Variants in CFAP20DC observed in about 807,000 individuals in gnomAD.
The protein encoded by CFAP20DC is CFAP20 domain containing.
CFAP20DC carries 84 observed loss-of-function variants against 101.7 expected under a neutral mutation model. That is an observed-to-expected ratio of 0.83 (90% CI 0.69 to 0.99). The LOEUF (loss-of-function observed/expected upper bound fraction) is 0.99, where lower values mean the gene tolerates loss of function less well. Ranked by LOEUF, CFAP20DC falls within the 50% of genes least tolerant of loss-of-function variation. CFAP20DC has a pLI of 0.00. For synonymous variants in CFAP20DC, 359 were observed against 351.2 expected (o/e 1.02, Z -0.25); for missense variants, 1,007 against 970.3 (o/e 1.04, Z -0.50).
At chr3:59,016,295 G>A (rs573897452) in intron 4 of CFAP20DC, among the ~76,000 whole-genome samples, 2 of 152,078 alleles carry the variant, frequency 1.3e-5, no homozygotes, top group Non-Finnish European at 2.9e-5. Context: ...TGAACTAAGT[G>A]ACAACAGAAA....
At chr3:58,977,773 A>C (rs1255012231) in intron 4 of CFAP20DC, among the ~76,000 whole-genome samples, 2 of 151,326 alleles carry the variant, frequency 1.3e-5, no homozygotes, top group Admixed American at 1.3e-4. Flanking sequence ...AGGAAATTTG[A>C]AAACTGAAGG....
chr3:58,982,453 A>C (rs1009263620), intron 4 of CFAP20DC, among the ~76,000 whole-genome samples: 1 of 152,084 alleles, frequency 6.6e-6, no homozygotes, highest in African/African-American at 2.4e-5. Context: ...AAAGACTTGG[A>C]ACCAAATGTC....
chr3:58,909,978 T>G lies in CFAP20DC; in HGVS notation c.550+3730A>C, dbSNP rs575970215. On this transcript the variant is annotated intron_variant, in intron 6 of 16. Coordinates refer to ENST00000482387, the MANE Select transcript of CFAP20DC (RefSeq NM_001394063.1). ...CAGCTCCCACTTATGAGTGAGAACA[T>G]GCAGTGTTTGGTTTTCTATTCCTGT... is the stretch of plus-strand genomic sequence containing the variant. Among the ~76,000 whole-genome samples the G allele has an allele frequency of 3.9e-5, 6 of 152,290 alleles. No homozygotes were observed. In the East Asian group the frequency reaches 1.2e-3, roughly 29 times the overall value.
chr3:59,009,285 CA>C (rs2093521803), intron 4 of CFAP20DC, among the ~76,000 whole-genome samples: 1 of 151,826 alleles, frequency 6.6e-6, no homozygotes, highest in African/African-American at 2.4e-5. Flanking sequence ...TACAATACCC[CA>C]AAAAGATCAC....
chr3:59,036,421 A>C (rs575700261), intron 4 of CFAP20DC, among the ~76,000 whole-genome samples: 4 of 152,024 alleles, frequency 2.6e-5, no homozygotes, highest in Admixed American at 2.6e-4. Flanking sequence ...CCAAAAACTT[A>C]AGCTGATAAC....
intron 6 of CFAP20DC, among the ~76,000 whole-genome samples, chr3:58,908,615 G>A (rs1053317095): frequency 6.6e-6 from 1 of 152,124 alleles, no homozygotes; most frequent in Non-Finnish European, 1.5e-5. Flanking sequence ...AACTAAACAT[G>A]CTGTTACCAT....
chr3:58,953,180 C>A (rs1342381692), intron 4 of CFAP20DC, among the ~76,000 whole-genome samples: 2 of 152,048 alleles, frequency 1.3e-5, no homozygotes, highest in East Asian at 3.9e-4. Flanking sequence ...ATGCACACAT[C>A]TAGGGGAAAA....
In CFAP20DC at chr3:58,747,562, A is replaced by AT. The variant is rs757503146; in HGVS notation, c.2333-4991dup. The stretch of plus-strand genomic sequence containing the variant: ...TCGATTTTCTGACACTGCCGTCTAC[A>AT]TTTTTTTTAAAGTTAATGTATTTTC... On this transcript the variant is annotated intron_variant, in intron 16 of 16. Transcript: ENST00000482387. Among the ~76,000 whole-genome samples the AT allele has an allele frequency of 1.3e-3, 205 of 152,134 alleles. 1 individual carries two copies. Among genetic ancestry groups the AT allele is most frequent in the African/African-American group, 4.6e-3 (192 of 41,496 alleles).
chr3:58,949,540 T>C (rs1454059829), intron 4 of CFAP20DC, among the ~76,000 whole-genome samples: 1 of 152,186 alleles, frequency 6.6e-6, no homozygotes, highest in Non-Finnish European at 1.5e-5. Flanking sequence ...TTTCGTTATG[T>C]ATCCAGTAGT....
chr3:58,872,726 A>G (rs2080338819), intron 7 of CFAP20DC, among the ~76,000 whole-genome samples: 2 of 152,154 alleles, frequency 1.3e-5, no homozygotes, highest in African/African-American at 4.8e-5. Context: ...GGAAGCTTTT[A>G]GTCCAACACA....
intron 4 of CFAP20DC, among the ~76,000 whole-genome samples, chr3:58,997,375 C>G (rs1188576905): frequency 6.6e-6 from 1 of 152,136 alleles, no homozygotes; most frequent in East Asian, 1.9e-4. Flanking sequence ...CATGCTCTTA[C>G]CACTTCACTA....
rs77976539 is a variant in CFAP20DC at position 58,790,433 on chromosome 3, T to C, written c.2237+15962A>G. ...GCATTCCTGTTTTCTCGCCCAAAAG[T>C]TGCCATTTGGCCTGCCATGTCCCCT... is the stretch of plus-strand genomic sequence containing the variant. On this transcript the variant is annotated intron_variant, in intron 15 of 16. Transcript: ENST00000482387. Among the ~76,000 whole-genome samples the C allele has an allele frequency of 2.3e-3, 355 of 152,316 alleles. 4 individuals carry two copies. The highest frequency in any genetic ancestry group is 7.6e-3 in the African/African-American group (316 of 41,580).
chr3:58,809,786 C>T (rs1018710658), intron 14 of CFAP20DC, among the ~76,000 whole-genome samples: 4 of 151,868 alleles, frequency 2.6e-5, no homozygotes, highest in Non-Finnish European at 5.9e-5. Flanking sequence ...AAAGGATCAA[C>T]AAAATTGATA....
rs779820032 is a variant in CFAP20DC at position 58,863,796 on chromosome 3, T to C, written c.1355A>G (p.His452Arg). 9 of 1,614,160 alleles carry C rather than the reference T, an allele frequency of 5.6e-6. No homozygotes were observed. Among genetic ancestry groups the C allele is most frequent in the Admixed American group, 1.7e-5 (1 of 60,022 alleles). The stretch of plus-strand genomic sequence containing the variant: ...CTCTTTGCTGGCTTCCAGCCACAGG[T>C]GTGATGGGTTGCAGGAGTCATCACC... Reference protein sequence around the residue: ...LLGDDSCNPSHLWLEASKESE... With the variant: ...LLGDDSCNPSRLWLEASKESE... Residue 452 changes from histidine (H) to arginine (R), a missense_variant, in exon 12 of 17, where the codon CAC (histidine) becomes CGC (arginine). Physicochemically the swap from His to Arg is conservative, Grantham distance 29 (BLOSUM62 0). Transcript: ENST00000482387. The surrounding 1 kb of genome is among the most constrained non-coding windows in gnomAD (Gnocchi z 5.9).
intron 4 of CFAP20DC, among the ~76,000 whole-genome samples, chr3:58,938,879 A>G (rs182328329): frequency 6.6e-6 from 1 of 152,342 alleles, no homozygotes; most frequent in East Asian, 1.9e-4. Flanking sequence ...CTTGCACTAA[A>G]TGATATCATA....
At chr3:58,746,184 AAC>A (rs778957704) in intron 16 of CFAP20DC, among the ~76,000 whole-genome samples, 132 of 152,304 alleles carry the variant, frequency 8.7e-4, no homozygotes, top group African/African-American at 2.9e-3. Flanking sequence ...TAAATAAAAA[AAC>A]AGTTCTTATA....
Position 58,985,807 on chromosome 3 carries a change from A to G in CFAP20DC, c.279-48045T>C, listed in dbSNP as rs750076222. On this transcript the variant is annotated intron_variant, in intron 4 of 16. Coordinates refer to ENST00000482387, the MANE Select transcript of CFAP20DC (RefSeq NM_001394063.1). ...CTTCTGTTAGCATTTCTCTCACTGC[A>G]TTCTATTTGTTCTATATTATTCTAT... Among the ~76,000 whole-genome samples, 72 of 152,186 alleles carry G rather than the reference A, an allele frequency of 4.7e-4. 1 individual carries two copies. The highest frequency in any genetic ancestry group is 5.6e-4 in the Non-Finnish European group (38 of 68,020).
In CFAP20DC at chr3:58,722,570, T is replaced by C. The variant is rs571890841; in HGVS notation, c.198-4942A>G. Among the ~76,000 whole-genome samples the C allele has an allele frequency of 6.6e-6, 1 of 152,002 alleles. No individual in the cohort carries two copies. The highest frequency in any genetic ancestry group is 2.1e-4 in the South Asian group (1 of 4,818). On this transcript the variant is annotated intron_variant, in intron 3 of 3. Transcript: ENST00000486145. This position sits in a 1 kb window ranked among gnomAD's most constrained non-coding sequence, Gnocchi z 4.5. ...AAACCTGAGAGATGCCACCTTCAAC[T>C]CAAAAGCCCAGCTCTCCCCTTCGAC... is the stretch of plus-strand genomic sequence containing the variant.
intron 3 of CFAP20DC, among the ~76,000 whole-genome samples, chr3:59,044,306 A>G (rs1011758328): frequency 1.3e-5 from 2 of 152,168 alleles, no homozygotes; most frequent in South Asian, 2.1e-4. Context: ...CAAACTTCAC[A>G]TAGAAGGTCA....
Sources: gnomAD v4.1 joint callset for allele counts (sites outside exome capture counted in the v4.1 genomes callset) on GRCh38, gnomAD v4.1.1 for gene constraint, Gnocchi (gnomAD v3.1) non-coding constraint, MANE v1.5 for transcripts, NCBI Gene and HGNC (gene_info 2026-07-23, HGNC 2026-07-21) for gene names.